SPAG17: variants seen among roughly 807,000 people sequenced by gnomAD.
The protein encoded by SPAG17 is sperm-associated antigen 17.
A neutral mutation model predicts 273.6 loss-of-function variants in SPAG17; 169 were observed. The ratio of observed to expected loss-of-function variants is 0.62; its 90% CI spans 0.55 to 0.70. The LOEUF (loss-of-function observed/expected upper bound fraction) is 0.70, where lower values mean the gene tolerates loss of function less well. SPAG17 is among the 30% of genes least tolerant of loss of function. The pLI is 0.00. For synonymous variants in SPAG17, 825 were observed against 873.2 expected (o/e 0.94, Z 0.97); for missense variants, 2,557 against 2,627.8 (o/e 0.97, Z 0.59).
In SPAG17 at chr1:117,953,885, G is replaced by A. The variant is rs901726852; in HGVS notation, c.*165C>T. 26 of 801,082 alleles carry A rather than the reference G, an allele frequency of 3.2e-5. No individual in the cohort carries two copies. In the East Asian group the frequency reaches 3.7e-4, roughly 12 times the overall value. 49.6% of individuals were successfully genotyped at this position (801,082 alleles called of 1,614,324 possible). A position where few individuals can be genotyped will look rare whatever the true frequency, so the allele number is the denominator to read the frequency against. ...ATGCTTTTTGGCACTCTATTCGCAC[G>A]TCTTTATTAAACAGATTGAAGCTAT... On this transcript the variant is annotated 3_prime_UTR_variant, in exon 49 of 49. Coordinates refer to ENST00000336338, the MANE Select transcript of SPAG17 (RefSeq NM_206996.4).
intron 18 of SPAG17, among the ~76,000 whole-genome samples, chr1:118,059,718 G>T (rs1652081071): frequency 6.6e-6 from 1 of 151,888 alleles, no homozygotes; most frequent in African/African-American, 2.4e-5. Context: ...AACAATTTTT[G>T]ACTTAAAGCC....
In SPAG17 at chr1:118,097,654, T is replaced by G. The variant is rs1166079730; in HGVS notation, c.1011+16A>C. 6 of 1,552,146 alleles carry G rather than the reference T, an allele frequency of 3.9e-6. No individual in the cohort carries two copies. The African/African-American group carries it at 8.3e-5, about 22-fold the overall frequency. On this transcript the variant is annotated intron_variant, in intron 7 of 48. Coordinates refer to ENST00000336338, the MANE Select transcript of SPAG17 (RefSeq NM_206996.4). ...ACATGTTAAAACCATGCACTCTCAG[T>G]AATGTGTGTACTAACCATCATCTCA...
At chr1:118,136,751 G>C (rs1287498391) in intron 3 of SPAG17, among the ~76,000 whole-genome samples, 1 of 151,846 alleles carries the variant, frequency 6.6e-6, no homozygotes, top group Non-Finnish European at 1.5e-5. Flanking sequence ...CCTCACCAAT[G>C]CATTTTCCTT....
In SPAG17 at chr1:117,996,691, T is replaced by A. The variant is rs753167417; in HGVS notation, c.4829A>T (p.Asp1610Val). 4 of 1,612,838 alleles carry A rather than the reference T, an allele frequency of 2.5e-6. No homozygotes were observed. Among genetic ancestry groups the A allele is most frequent in the Non-Finnish European group, 3.4e-6 (4 of 1,179,312 alleles). Residue 1610 changes from aspartate (D) to valine (V), a missense_variant, in exon 33 of 49, where the codon GAT (aspartate) becomes GTT (valine). Physicochemically the swap from Asp to Val is radical, Grantham distance 152. Transcript: ENST00000336338. ...STILPEKKLE[D>V]DLNEKTEGYD... ...GCCCTCAGTTTTCTCATTTAAATCA[T>A]CTTCCAATTTTTTTTCAGGTAATAT...
At chr1:118,020,781 GT>G (rs1287292706) in intron 28 of SPAG17, among the ~76,000 whole-genome samples, 1 of 152,126 alleles carries the variant, frequency 6.6e-6, no homozygotes, top group Non-Finnish European at 1.5e-5. Flanking sequence ...CCTGCTGTCT[GT>G]TTTTTACAGT....
At chr1:117,971,636 A>G (rs1307336627) in intron 45 of SPAG17, 3 of 367,340 alleles carry the variant, frequency 8.2e-6, no homozygotes, top group African/African-American at 4.2e-5. Flanking sequence ...AATGATGACT[A>G]GGAGGGCAAG....
chr1:118,104,758 C>G (rs1656282710), intron 4 of SPAG17, among the ~76,000 whole-genome samples: 1 of 152,094 alleles, frequency 6.6e-6, no homozygotes, highest in African/African-American at 2.4e-5. Flanking sequence ...TGAAGAAGAG[C>G]AATTATGGTG....
chr1:118,063,434 A>G (rs1441409112), intron 18 of SPAG17, among the ~76,000 whole-genome samples: 1 of 152,230 alleles, frequency 6.6e-6, no homozygotes, highest in African/African-American at 2.4e-5. Flanking sequence ...AATGCCGCCT[A>G]TCTACAACCA....
In SPAG17 at chr1:118,101,945, T is replaced by G. The variant is rs557049427; in HGVS notation, c.448-19A>C. ...CTATTACCTGGAATGAGAGAACACT[T>G]TTTTCTCCAAATCAAACAGTGAGCA... is the stretch of plus-strand genomic sequence containing the variant. On this transcript the variant is annotated intron_variant, in intron 4 of 48. Transcript: ENST00000336338. 472 of 1,597,282 alleles carry G rather than the reference T, an allele frequency of 3.0e-4. 7 individuals are homozygous for G. In the South Asian group the frequency reaches 4.9e-3, roughly 17 times the overall value.
chr1:117,959,004 G>A (rs368052262), intron 48 of SPAG17: 4 of 1,613,396 alleles, frequency 2.5e-6, no homozygotes, highest in African/African-American at 1.3e-5. Context: ...CCAAGTCCGG[G>A]TAAGTGTCTT....
At chr1:118,133,240 T>C (rs940904831) in intron 3 of SPAG17, among the ~76,000 whole-genome samples, 3 of 151,858 alleles carry the variant, frequency 2.0e-5, no homozygotes, top group South Asian at 2.1e-4. Context: ...TGATGGGCAA[T>C]GGAAATTGAT....
chr1:118,129,935 C>G (rs1657968634), intron 3 of SPAG17, among the ~76,000 whole-genome samples: 1 of 152,134 alleles, frequency 6.6e-6, no homozygotes, highest in Admixed American at 6.5e-5. Flanking sequence ...AGAATGTATT[C>G]AGTGTATCAG....
At chr1:117,969,958 A>G in intron 46 of SPAG17, 98 bp downstream of exon 46, 1 of 1,052,134 alleles carries the variant, frequency 9.5e-7, no homozygotes, top group Non-Finnish European at 1.4e-6. Flanking sequence ...GTTTAAAAGG[A>G]ATGGGCAGAA....
intron 19 of SPAG17, 85 bp from the exon 20 acceptor site, chr1:118,054,178 C>A: frequency 1.3e-6 from 1 of 779,656 alleles, no homozygotes; most frequent in South Asian, 1.9e-5. Context: ...GATGAGATCT[C>A]AAAGGCTTTC....
chr1:118,104,634 G>T (rs149792549), intron 4 of SPAG17, among the ~76,000 whole-genome samples: 1 of 152,178 alleles, frequency 6.6e-6, no homozygotes, highest in East Asian at 1.9e-4. Context: ...AGAGATGCCA[G>T]CAGAAAGAGA....
intron 18 of SPAG17, among the ~76,000 whole-genome samples, chr1:118,066,496 T>C (rs1313271310): frequency 6.6e-6 from 1 of 152,184 alleles, no homozygotes; most frequent in Non-Finnish European, 1.5e-5. Flanking sequence ...AACAACATCC[T>C]CACTAGATTC....
At chr1:118,048,688 G>A (rs1650649793) in intron 20 of SPAG17, among the ~76,000 whole-genome samples, 1 of 152,126 alleles carries the variant, frequency 6.6e-6, no homozygotes, top group Non-Finnish European at 1.5e-5. Flanking sequence ...ACAAGGTCAG[G>A]AGTTCGAGAC....
chr1:117,962,212 G>C (rs927739992), intron 48 of SPAG17: 7 of 152,156 alleles, frequency 4.6e-5, no homozygotes, highest in Non-Finnish European at 5.9e-5. Context: ...TTATGATAAA[G>C]TGACATGTAC....
At chr1:118,039,681 C>T (rs147482774) in intron 22 of SPAG17, among the ~76,000 whole-genome samples, 154 of 152,134 alleles carry the variant, frequency 1.0e-3, no homozygotes, top group African/African-American at 3.3e-3. Flanking sequence ...AACTACCTGC[C>T]GAGTACTCTG....
Sources: gnomAD v4.1 joint callset for allele counts (sites outside exome capture counted in the v4.1 genomes callset) on GRCh38, gnomAD v4.1.1 for gene constraint, MANE v1.5 for transcripts, NCBI Gene and HGNC (gene_info 2026-07-23, HGNC 2026-07-21) for gene names.